VRK3: variants seen among roughly 807,000 people sequenced by gnomAD.
VRK3 encodes VRK serine/threonine kinase 3.
A neutral mutation model predicts 60.4 loss-of-function variants in VRK3; 50 were observed. That is an observed-to-expected ratio of 0.83 (90% CI 0.66 to 1.05). The LOEUF is 1.05. Among genes scored for constraint, VRK3 ranks in the 50% least tolerant of loss-of-function variants. VRK3 has a pLI of 0.00. For missense variants in VRK3, 549 were observed against 585.3 expected (o/e 0.94, Z 0.64); for synonymous variants, 246 against 227.8 (o/e 1.08, Z -0.72).
At chr19:49,996,240 T>C (rs1400686122) in intron 7 of VRK3, among the ~76,000 whole-genome samples, 1 of 151,110 alleles carries the variant, frequency 6.6e-6, no homozygotes, top group East Asian at 2.0e-4. Context: ...GTATTTTCAA[T>C]AGAGATGGGT....
chr19:49,995,041 G>T, intron 8 of VRK3, 122 bp from the exon 9 acceptor site: 1 of 1,275,134 alleles, frequency 7.8e-7, no homozygotes, highest in Non-Finnish European at 1.1e-6. Context: ...CAAAGGTTCT[G>T]ACTGGCTGGG....
chr19:49,999,288 G>A (rs2076759518), intron 6 of VRK3: 1 of 152,264 alleles, frequency 6.6e-6, no homozygotes, highest in Non-Finnish European at 1.5e-5. Flanking sequence ...TTGCGTCCTG[G>A]AGTCCTCCCC....
chr19:49,988,432 C>A lies in VRK3; in HGVS notation c.1157G>T (p.Gly386Val), dbSNP rs373667645. ...AAGGCAATTTGTCCATGGCAGAAAC[C>A]CGTAGAGCCACTTCAGCATGCAGTA... ...LGYCMLKWLY[G>V]FLPWTNCLPN... Residue 386 changes from glycine (G) to valine (V), a missense_variant, in exon 12 of 15, where the codon GGG (glycine) becomes GTG (valine). Gly to Val is a moderately radical substitution (Grantham distance 109, BLOSUM62 -3). Transcript: ENST00000316763. 5.9e-5 allele frequency: 95 copies of A among 1,613,680 alleles called. No individual in the cohort carries two copies. The highest frequency in any genetic ancestry group is 1.6e-4 in the Middle Eastern group (1 of 6,084).
Position 50,005,828 on chromosome 19 carries a change from G to A in VRK3, c.547+1741C>T, listed in dbSNP as rs117064874. On this transcript the variant is annotated intron_variant, in intron 5 of 14. Transcript: ENST00000316763. ...AACACCCAGAAGGGGCAAATCCACG[G>A]AGGGAGAAAGGCGGTTAGTGGCTGC... Among the ~76,000 whole-genome samples, 1,180 of 149,966 alleles carry A rather than the reference G, an allele frequency of 7.9e-3. 23 individuals are homozygous for A. Among genetic ancestry groups the A allele is most frequent in the Middle Eastern group, 0.027 (8 of 294 alleles).
At chr19:49,989,539 TCCTGTCTGGCCA>T (rs1237544007) in intron 11 of VRK3, 88 bp downstream of exon 11, 2 of 1,456,432 alleles carry the variant, frequency 1.4e-6, no homozygotes, top group Non-Finnish European at 1.8e-6. Context: ...TTAGTGCCTC[TCCTGTCTGGCCA>T]CCTGCTGTCT....
In VRK3 at chr19:50,002,876, G is replaced by A. The variant is rs546573083; in HGVS notation, c.548-2022C>T. ...AATGAAGACCAGGGCGTGGCATGCAGGCAGGTGAGCACCTCCCCTTCCCAA... is the reference window on the plus strand; with the variant it reads ...AATGAAGACCAGGGCGTGGCATGCAAGCAGGTGAGCACCTCCCCTTCCCAA... On this transcript the variant is annotated intron_variant, in intron 5 of 14. Transcript: ENST00000316763. Among the ~76,000 whole-genome samples the A allele has an allele frequency of 2.6e-5, 4 of 152,300 alleles. No homozygotes were observed. In the South Asian group the frequency reaches 8.3e-4, roughly 32 times the overall value.
intron 6 of VRK3, chr19:49,999,494 T>G (rs1169927172): frequency 2.0e-5 from 3 of 152,352 alleles, no homozygotes; most frequent in African/African-American, 7.2e-5. Flanking sequence ...CAGGAAAGGC[T>G]TGGTGAATAA....
At chr19:49,988,108 T>A (rs542167344) in intron 12 of VRK3, 8 of 310,784 alleles carry the variant, frequency 2.6e-5, no homozygotes, top group South Asian at 7.7e-5. Context: ...GGAGACCATC[T>A]CATGGAGCAG....
intron 5 of VRK3, among the ~76,000 whole-genome samples, chr19:50,005,357 G>C (rs1167756839): frequency 6.7e-6 from 1 of 149,248 alleles, no homozygotes. Context: ...GTGCCTGTCT[G>C]GCCAGCAGGC....
chr19:50,017,852 G>C (rs1408032126), intron 2 of VRK3, among the ~76,000 whole-genome samples: 2 of 151,958 alleles, frequency 1.3e-5, no homozygotes, highest in Admixed American at 6.6e-5. Context: ...TTAGAGACGG[G>C]GTCTCACTAT....
At chr19:49,984,428 G>A (rs1183312567) in intron 12 of VRK3, among the ~76,000 whole-genome samples, 2 of 152,140 alleles carry the variant, frequency 1.3e-5, no homozygotes, top group Non-Finnish European at 2.9e-5. Flanking sequence ...AGGAGCCGGT[G>A]GCGGGGTCCT....
chr19:49,980,968 C>T lies in VRK3; in HGVS notation c.1263G>A (p.Trp421Ter). ...PGPFVGPCGHWIRPSETLQKY... is the reference protein window; with the variant it reads ...PGPFVGPCGH ...TTCAGGACGTACCTGAGGGCCTGATCCAGTGACCGCAGGGTCCCACGAAGG... is the reference window on the plus strand; with the variant it reads ...TTCAGGACGTACCTGAGGGCCTGATTCAGTGACCGCAGGGTCCCACGAAGG... Residue 421 changes from tryptophan to a stop codon, truncating the protein, a stop_gained, in exon 13 of 15, where the codon TGG becomes TGA. Transcript: ENST00000316763. LOFTEE classifies it high-confidence loss of function. 1.2e-6 allele frequency: 2 copies of T among 1,611,262 alleles called. No homozygotes were observed. The highest frequency in any genetic ancestry group is 1.7e-5 in the Admixed American group (1 of 59,710).
At chr19:49,977,430 T>C (rs1404132081) in intron 14 of VRK3, among the ~76,000 whole-genome samples, 3 of 151,262 alleles carry the variant, frequency 2.0e-5, no homozygotes, top group African/African-American at 4.9e-5. Context: ...CCCTGGGAGG[T>C]TGTCAGGTGT....
At chr19:50,000,381 T>C (rs1448188077) in intron 6 of VRK3, 1 of 204,280 alleles carries the variant, frequency 4.9e-6, no homozygotes, top group African/African-American at 2.5e-5. Context: ...GGACCCCATC[T>C]GCTGGGTTCT....
At chr19:50,013,921 T>A (rs2077034813) in intron 3 of VRK3, among the ~76,000 whole-genome samples, 1 of 152,166 alleles carries the variant, frequency 6.6e-6, no homozygotes, top group Non-Finnish European at 1.5e-5. Context: ...GATGCAACTT[T>A]AATTAGTAGT....
At chr19:50,014,198 C>T (rs1183244982) in intron 3 of VRK3, among the ~76,000 whole-genome samples, 2 of 152,022 alleles carry the variant, frequency 1.3e-5, no homozygotes, top group African/African-American at 2.4e-5. Flanking sequence ...ACTCGGGAGG[C>T]GGAGATTGCA....
At chr19:49,983,202 C>T (rs1410583881) in intron 12 of VRK3, among the ~76,000 whole-genome samples, 2 of 152,026 alleles carry the variant, frequency 1.3e-5, no homozygotes, top group Admixed American at 6.6e-5. Context: ...CTCCTTCCTC[C>T]CATTGCATGT....
At chr19:50,021,528 G>A (rs1322843617) in intron 1 of VRK3, among the ~76,000 whole-genome samples, 1 of 152,214 alleles carries the variant, frequency 6.6e-6, no homozygotes, top group African/African-American at 2.4e-5. Flanking sequence ...TGAGGCCCCT[G>A]GCCAACAGCC....
intron 12 of VRK3, chr19:49,988,116 C>G (rs1237237175): frequency 2.9e-6 from 1 of 346,926 alleles, no homozygotes; most frequent in Non-Finnish European, 5.4e-6. Flanking sequence ...TCTCATGGAG[C>G]AGGACACTGA....
Sources: gnomAD v4.1 joint callset for allele counts (sites outside exome capture counted in the v4.1 genomes callset) on GRCh38, gnomAD v4.1.1 for gene constraint, MANE v1.5 for transcripts, NCBI Gene and HGNC (gene_info 2026-07-23, HGNC 2026-07-21) for gene names.